The following PCARE variants were observed in gnomAD, a reference collection of about 807,000 sequenced individuals.
PCARE encodes the protein photoreceptor cilium actin regulator.
A neutral mutation model predicts 82.2 loss-of-function variants in PCARE; 72 were observed. The ratio of observed to expected loss-of-function variants is 0.88; its 90% CI spans 0.72 to 1.07. The LOEUF (loss-of-function observed/expected upper bound fraction) is 1.07. Ranked by LOEUF, PCARE falls within the 50% of genes least tolerant of loss-of-function variation. The pLI is 0.00. For missense variants in PCARE, 1,768 were observed against 1,592.4 expected (o/e 1.11, Z -1.88); for synonymous variants, 705 against 634.8 (o/e 1.11, Z -1.66).
In PCARE at chr2:29,070,858, G is replaced by T. The variant is rs756152942; in HGVS notation, c.3404C>A (p.Pro1135Gln). Residue 1135 changes from proline (P) to glutamine (Q), a missense_variant, in exon 1 of 2, where the codon CCG becomes CAG. Coordinates refer to ENST00000331664, the MANE Select transcript of PCARE (RefSeq NM_001029883.3). ...PATSSLFEAK[P>Q]PLSTAHPLTP... ...CAGTGGGTGGGCTGTTGAGAGTGGCGGTTTAGCTTCAAACAGAGAGGAGGT... is the reference window on the plus strand; with the variant it reads ...CAGTGGGTGGGCTGTTGAGAGTGGCTGTTTAGCTTCAAACAGAGAGGAGGT... 1.9e-6 allele frequency: 3 copies of T among 1,613,928 alleles called. No individual in the cohort carries two copies. In the Admixed American group the frequency reaches 5.0e-5, roughly 27 times the overall value.
rs572724183 is a variant in PCARE at position 29,070,636 on chromosome 2, T to C, written c.3626A>G (p.Asp1209Gly). 1,185 of 1,613,952 alleles carry C rather than the reference T, an allele frequency of 7.3e-4. 20 individuals carry two copies. The South Asian group carries it at 0.012, about 17-fold the overall frequency. ...PGGRPQPPTL[D>G]PTSTSYESQL... ...GGATTCATAAGAGGTGCTGGTGGGGTCCAAGGTGGGAGGCTGCGGTCGGCC... is the reference window on the plus strand; with the variant it reads ...GGATTCATAAGAGGTGCTGGTGGGGCCCAAGGTGGGAGGCTGCGGTCGGCC... The change falls in exon 1 of 2, where the codon GAC (aspartate) becomes GGC (glycine). Residue 1209 changes from aspartate to glycine, a missense_variant. By Grantham distance (94) the Asp-to-Gly change is moderately conservative (BLOSUM62 -1). Transcript: ENST00000331664.
chr2:29,072,102 C>A lies in PCARE; in HGVS notation c.2160G>T (p.Trp720Cys). Reference sequence around the variant, plus strand: ...TTCTGGTGGGACAGCCTCTGACATTCCAGTCTGTGGCCTTGGCAGCCTCAC... The same window carrying A: ...TTCTGGTGGGACAGCCTCTGACATTACAGTCTGTGGCCTTGGCAGCCTCAC... Reference protein sequence around the residue: ...EVSEAAKATDWNVRGCPTRTS... With the variant: ...EVSEAAKATDCNVRGCPTRTS... The change falls in exon 1 of 2, where the codon TGG becomes TGT. Residue 720 changes from tryptophan (W) to cysteine (C), a missense_variant. Coordinates refer to ENST00000331664, the MANE Select transcript of PCARE (RefSeq NM_001029883.3). 6.2e-7 allele frequency: 1 copy of A among 1,614,246 alleles called. No homozygotes were observed. The highest frequency in any genetic ancestry group is 8.5e-7 in the Non-Finnish European group (1 of 1,180,048).
In PCARE at chr2:29,072,674, T is replaced by C. The variant is rs1667512218; in HGVS notation, c.1588A>G (p.Arg530Gly). The C allele has an allele frequency of 1.2e-6, 2 of 1,613,966 alleles. No homozygotes were observed. The highest frequency in any genetic ancestry group is 2.7e-5 in the African/African-American group (2 of 74,940). The change falls in exon 1 of 2, where the codon AGG (arginine) becomes GGG (glycine). Residue 530 changes from arginine to glycine, a missense_variant. Arg to Gly is a moderately radical substitution (Grantham distance 125, BLOSUM62 -2). Transcript: ENST00000331664. ...TGGGCCTGGAGGCTCCTAAGCCTCCTGGTGCGGGCCTGAAATGGGCTTTCC... is the reference window on the plus strand; with the variant it reads ...TGGGCCTGGAGGCTCCTAAGCCTCCCGGTGCGGGCCTGAAATGGGCTTTCC... ...DRESPFQARTRRLRSLQAQEM... is the reference protein window; with the variant it reads ...DRESPFQARTGRLRSLQAQEM...
chr2:29,065,729 G>A (rs975276556), intron 1 of PCARE, among the ~76,000 whole-genome samples: 6 of 152,256 alleles, frequency 3.9e-5, no homozygotes, highest in Admixed American at 1.3e-4. Flanking sequence ...CACACTGGCC[G>A]TCTGCTGGCA....
rs1378741502 is a variant in PCARE at position 29,072,897 on chromosome 2, T to C, written c.1365A>G (p.Pro455=). Residue 455 remains proline, a synonymous_variant, in exon 1 of 2, where the codon CCA becomes CCG. Coordinates refer to ENST00000331664, the MANE Select transcript of PCARE (RefSeq NM_001029883.3). ...AGACCCCAATCCCAAAGGAATCACA[T>C]GGGGTGCTTGTCCCCAGCTTCAAAG... ...SPPLKLGTST[P]CDSFGIGVSV... 5.0e-6 allele frequency: 8 copies of C among 1,614,028 alleles called. No homozygotes were observed. In the South Asian group the frequency reaches 8.8e-5, roughly 18 times the overall value.
rs554321432 is a variant in PCARE at position 29,070,604 on chromosome 2, C to A, written c.3658G>T (p.Gly1220Cys). Residue 1220 changes from glycine to cysteine, a missense_variant, in exon 1 of 2, where the codon GGC becomes TGC. By Grantham distance (159) the Gly-to-Cys change is radical. Transcript: ENST00000331664. ...PTSTSYESQLGQNSSSEESPK... is the reference protein window; with the variant it reads ...PTSTSYESQLCQNSSSEESPK... Reference sequence around the variant, plus strand: ...CAGGACACTCCTTACCTGTTCTGGCCGAGCTGGGATTCATAAGAGGTGCTG... The same window carrying A: ...CAGGACACTCCTTACCTGTTCTGGCAGAGCTGGGATTCATAAGAGGTGCTG... 1.9e-6 allele frequency: 3 copies of A among 1,613,874 alleles called. No individual in the cohort carries two copies. Among genetic ancestry groups the A allele is most frequent in the African/African-American group, 2.7e-5 (2 of 74,914 alleles).
rs1558489169 is a variant in PCARE, at chr2:29,072,276, G to A, written c.1986C>T (p.Thr662=). Residue 662 remains threonine, a synonymous_variant, in exon 1 of 2, where the codon ACC becomes ACT. Coordinates refer to ENST00000331664, the MANE Select transcript of PCARE (RefSeq NM_001029883.3). Reference sequence around the variant, plus strand: ...TGAGGGATGCCTTGAGCCTGCTGGTGGTGTTGCTTGGACTGACCCTGCAGG... The same window carrying A: ...TGAGGGATGCCTTGAGCCTGCTGGTAGTGTTGCTTGGACTGACCCTGCAGG... ...NGTCRVSPSN[T]TSRLKASLTK... The A allele has an allele frequency of 3.1e-6, 5 of 1,614,248 alleles. No homozygotes were observed. Among genetic ancestry groups the A allele is most frequent in the Admixed American group, 1.7e-5 (1 of 60,036 alleles).
rs373188079 is a variant in PCARE, at chr2:29,072,861, T to A, written c.1401A>T (p.Pro467=). The change falls in exon 1 of 2, where the codon CCA becomes CCT. Residue 467 remains proline (P), a synonymous_variant. Transcript: ENST00000331664. ...TCGGCCTGGAGGTTTTGGAAAGGTGTGGTTCCACAGAGACCCCAATCCCAA... is the reference window on the plus strand; with the variant it reads ...TCGGCCTGGAGGTTTTGGAAAGGTGAGGTTCCACAGAGACCCCAATCCCAA... ...DSFGIGVSVE[P]HLSKTSRPMD... The A allele has an allele frequency of 6.1e-5, 99 of 1,613,994 alleles. No individual in the cohort carries two copies. Among genetic ancestry groups the A allele is most frequent in the Non-Finnish European group, 7.8e-5 (92 of 1,180,016 alleles).
rs1667454846 is a variant in PCARE, at chr2:29,070,626, G to A, written c.3636C>T (p.Ser1212=). The A allele has an allele frequency of 2.5e-6, 4 of 1,613,984 alleles. No individual in the cohort carries two copies. The highest frequency in any genetic ancestry group is 1.7e-5 in the Admixed American group (1 of 60,012). ...GGCCGAGCTGGGATTCATAAGAGGT[G>A]CTGGTGGGGTCCAAGGTGGGAGGCT... ...RPQPPTLDPT[S]TSYESQLGQN... The change falls in exon 1 of 2, where the codon AGC becomes AGT. Residue 1212 remains serine (S), a synonymous_variant. Transcript: ENST00000331664.
At chr2:29,067,227 G>A (rs926701040) in intron 1 of PCARE, among the ~76,000 whole-genome samples, 2 of 152,168 alleles carry the variant, frequency 1.3e-5, no homozygotes, top group East Asian at 1.9e-4. Context: ...CTGGCTTGTT[G>A]CATGATCTTG....
chr2:29,068,396 C>T lies in PCARE; in HGVS notation c.3668+2198G>A, dbSNP rs140713000. Among the ~76,000 whole-genome samples the T allele has an allele frequency of 2.0e-3, 307 of 152,280 alleles. 3 individuals are homozygous for T. The highest frequency in any genetic ancestry group is 6.9e-3 in the African/African-American group (286 of 41,554). Reference sequence around the variant, plus strand: ...TGGACAGATTGTGAAGTCTGCAAAACGTATCACTCTGGCAGAAATTAACTG... The same window carrying T: ...TGGACAGATTGTGAAGTCTGCAAAATGTATCACTCTGGCAGAAATTAACTG... On this transcript the variant is annotated intron_variant, in intron 1 of 1. Coordinates refer to ENST00000331664, the MANE Select transcript of PCARE (RefSeq NM_001029883.3).
chr2:29,065,267 G>A (rs1319245830), intron 1 of PCARE, among the ~76,000 whole-genome samples, 200 bp from the exon 2 acceptor site: 1 of 152,154 alleles, frequency 6.6e-6, no homozygotes, highest in Non-Finnish European at 1.5e-5. Context: ...GCAGGGGTGG[G>A]CGCTGTGGGA....
intron 1 of PCARE, among the ~76,000 whole-genome samples, chr2:29,070,293 G>T (rs182649758): frequency 7.2e-5 from 11 of 152,002 alleles, no homozygotes; most frequent in African/African-American, 2.4e-4. Flanking sequence ...AACAGGCCCC[G>T]GTGTGTGCCC....
intron 1 of PCARE, among the ~76,000 whole-genome samples, chr2:29,069,647 A>G (rs1202749629): frequency 6.6e-6 from 1 of 152,208 alleles, no homozygotes; most frequent in Non-Finnish European, 1.5e-5. Context: ...AAGTTTACCT[A>G]CATCACAAAC....
Position 29,072,258 on chromosome 2 carries a change from T to A in PCARE, c.2004A>T (p.Ala668=). 6.2e-7 allele frequency: 1 copy of A among 1,614,238 alleles called. No individual in the cohort carries two copies. Among genetic ancestry groups the A allele is most frequent in the Non-Finnish European group, 8.5e-7 (1 of 1,180,048 alleles). The change falls in exon 1 of 2, where the codon GCA becomes GCT. Residue 668 remains alanine, a synonymous_variant. Coordinates refer to ENST00000331664, the MANE Select transcript of PCARE (RefSeq NM_001029883.3). ...SPSNTTSRLK[A]SLTKNFSILP... is the part of the protein sequence containing the mutation. The stretch of plus-strand genomic sequence containing the variant: ...AAATACTGAAGTTCTTGGTGAGGGA[T>A]GCCTTGAGCCTGCTGGTGGTGTTGC...
rs1157373725 is a variant in PCARE, at chr2:29,062,289, G to A, written c.*2580C>T. 1 of 152,274 alleles carries A rather than the reference G, an allele frequency of 6.6e-6. No homozygotes were observed. The highest frequency in any genetic ancestry group is 2.4e-5 in the African/African-American group (1 of 41,438). 9.4% of individuals were successfully genotyped at this position (152,274 alleles called of 1,614,324 possible). ...TGGGGGCTTTTATGACATCGTGTGTGGGGACCTATGGCAGGAGCCTCGCCC... is the reference window on the plus strand; with the variant it reads ...TGGGGGCTTTTATGACATCGTGTGTAGGGACCTATGGCAGGAGCCTCGCCC... On this transcript the variant is annotated 3_prime_UTR_variant, in exon 2 of 2. Transcript: ENST00000331664.
In PCARE at chr2:29,072,586, C is replaced by A. The variant is rs751489826; in HGVS notation, c.1676G>T (p.Cys559Phe). 9 of 1,614,144 alleles carry A rather than the reference C, an allele frequency of 5.6e-6. No individual in the cohort carries two copies. In the African/African-American group the frequency reaches 6.7e-5, roughly 12 times the overall value. Residue 559 changes from cysteine to phenylalanine, a missense_variant, in exon 1 of 2, where the codon TGT becomes TTT. By Grantham distance (205) the Cys-to-Phe change is radical. Transcript: ENST00000331664. ...CTCCTCAGACCAGTCCTGGTGCCCACAGGGCACAGGGACAAACTTGATCCT... is the reference window on the plus strand; with the variant it reads ...CTCCTCAGACCAGTCCTGGTGCCCAAAGGGCACAGGGACAAACTTGATCCT... ...SERIKFVPVP[C>F]GHQDWSEEEE...
intron 1 of PCARE, among the ~76,000 whole-genome samples, chr2:29,069,004 A>G (rs1282181458): frequency 1.3e-5 from 2 of 152,226 alleles, no homozygotes; most frequent in Non-Finnish European, 2.9e-5. Flanking sequence ...TTTCATCATA[A>G]TACTAAGATG....
chr2:29,070,773 C>G lies in PCARE; in HGVS notation c.3489G>C (p.Trp1163Cys). The part of the protein sequence containing the change: ...GGPLGNPAEC[W>C]KNSSGPWLRA... The stretch of plus-strand genomic sequence containing the variant: ...TCAGCCAAGGCCCTGAGCTGTTCTT[C>G]CAGCATTCTGCTGGGTTCCCGAGAG... Residue 1163 changes from tryptophan (W) to cysteine (C), a missense_variant, in exon 1 of 2, where the codon TGG (tryptophan) becomes TGC (cysteine). Physicochemically the swap from Trp to Cys is radical, Grantham distance 215. Coordinates refer to ENST00000331664, the MANE Select transcript of PCARE (RefSeq NM_001029883.3). 2.5e-6 allele frequency: 4 copies of G among 1,614,154 alleles called. No homozygotes were observed. Among genetic ancestry groups the G allele is most frequent in the Non-Finnish European group, 3.4e-6 (4 of 1,180,038 alleles).
Sources: gnomAD v4.1 joint callset for allele counts (sites outside exome capture counted in the v4.1 genomes callset) on GRCh38, gnomAD v4.1.1 for gene constraint, MANE v1.5 for transcripts, NCBI Gene and HGNC (gene_info 2026-07-23, HGNC 2026-07-21) for gene names.